ASRGL1: variants seen among roughly 807,000 people sequenced by gnomAD.
ASRGL1 encodes isoaspartyl peptidase/L-asparaginase.
Under a neutral mutation model 22.4 loss-of-function variants are expected in ASRGL1, and 16 were observed. The observed-to-expected ratio is 0.71, with a 90% CI of 0.48 to 1.08. The LOEUF is 1.08. ASRGL1 is among the 50% of genes least tolerant of loss of function. The pLI is 0.00. For synonymous variants in ASRGL1, 165 were observed against 159.3 expected (o/e 1.04, Z -0.27); for missense variants, 412 against 410.1 (o/e 1.00, Z -0.04).
At position 62,391,864 on chromosome 11, in the gene ASRGL1, T is replaced by A. The variant is rs774816161; in HGVS notation, c.722-215T>A. The A allele has an allele frequency of 6.1e-5, 45 of 738,220 alleles. 1 individual carries two copies. Among genetic ancestry groups the A allele is most frequent in the Middle Eastern group, 3.9e-4 (1 of 2,556 alleles). The allele number at this position is 738,220 out of a possible 1,614,324, so 45.7% of individuals were successfully genotyped here. ...AGGAGAAGGGGGCAGTAGAGAGACA[T>A]TGAGCCTGGATGTGGGAGGGAAGAC... On this transcript the variant is annotated intron_variant, in intron 6 of 6. Coordinates refer to ENST00000415229, the MANE Select transcript of ASRGL1 (RefSeq NM_001083926.2).
chr11:62,356,880 G>T (rs1946309802), intron 3 of ASRGL1, 107 bp from the exon 4 acceptor site: 3 of 1,312,440 alleles, frequency 2.3e-6, no homozygotes, highest in East Asian at 2.5e-5. Flanking sequence ...TTGTATTTTT[G>T]ATCCTTTGCA....
At chr11:62,396,164 C>T (rs977501836), downstream of ASRGL1, among the ~76,000 whole-genome samples, 3 of 151,478 alleles carry the variant, frequency 2.0e-5, no homozygotes, top group African/African-American at 7.3e-5. Flanking sequence ...TAGGTGTAGG[C>T]GTGACCCAGA....
intron 2 of ASRGL1, among the ~76,000 whole-genome samples, chr11:62,349,737 A>T (rs1007929484): frequency 1.3e-5 from 2 of 152,218 alleles, no homozygotes; most frequent in Non-Finnish European, 2.9e-5. Flanking sequence ...AAGCAAGTTT[A>T]TTAGGAAAGT....
intron 4 of ASRGL1, among the ~76,000 whole-genome samples, chr11:62,365,474 A>G (rs1286455653): frequency 6.6e-6 from 1 of 152,096 alleles, no homozygotes; most frequent in Non-Finnish European, 1.5e-5. Flanking sequence ...GAATCACTTG[A>G]ACCTGGGAGG....
chr11:62,397,525 A>G (rs1157002084), downstream of ASRGL1, among the ~76,000 whole-genome samples: 4 of 151,936 alleles, frequency 2.6e-5, no homozygotes, highest in Non-Finnish European at 4.4e-5. Context: ...TTAGCCGGGC[A>G]TGGTGATGCA....
At chr11:62,371,269 AGTG>A (rs1946754688) in intron 4 of ASRGL1, 5 of 1,350,888 alleles carry the variant, frequency 3.7e-6, no homozygotes, top group Non-Finnish European at 3.9e-6. Flanking sequence ...CAGTAGCAGC[AGTG>A]GTGGCAGCAG....
intron 6 of ASRGL1, 191 bp from the exon 7 acceptor site, chr11:62,391,888 A>AC: frequency 1.3e-6 from 1 of 744,470 alleles, no homozygotes; most frequent in Non-Finnish European, 2.2e-6. Flanking sequence ...GGGAGGGAAG[A>AC]CCCCTCTGCT....
intron 4 of ASRGL1, among the ~76,000 whole-genome samples, chr11:62,363,111 T>C (rs372272291): frequency 2.6e-4 from 40 of 151,130 alleles, no homozygotes; most frequent in African/African-American, 8.8e-4. Flanking sequence ...TTTTTTGTAT[T>C]TTTAGTAGAG....
chr11:62,382,614 G>C (rs1472125029), intron 4 of ASRGL1: 1 of 151,774 alleles, frequency 6.6e-6, no homozygotes. Context: ...ACTGCAAAGA[G>C]GCCTTCCTCT....
chr11:62,384,236 G>A (rs1947150333), intron 4 of ASRGL1, among the ~76,000 whole-genome samples: 1 of 152,030 alleles, frequency 6.6e-6, no homozygotes, highest in Non-Finnish European at 1.5e-5. Context: ...CGGGCGCAGT[G>A]GCTCACACCT....
At chr11:62,371,298 GGACGGCC>G (rs1946756385) in intron 4 of ASRGL1, 10 of 1,382,028 alleles carry the variant, frequency 7.2e-6, no homozygotes, top group African/African-American at 1.5e-5. Context: ...GCGGCGACGA[GGACGGCC>G]TGGAGCTCGA....
At chr11:62,352,820 G>A (rs1263683975) in intron 2 of ASRGL1, among the ~76,000 whole-genome samples, 1 of 152,090 alleles carries the variant, frequency 6.6e-6, no homozygotes, top group Non-Finnish European at 1.5e-5. Flanking sequence ...TCCCCTATAG[G>A]TAAGGTGTCA....
At chr11:62,372,192 G>A in intron 4 of ASRGL1, 1 of 1,062,594 alleles carries the variant, frequency 9.4e-7, no homozygotes. Context: ...GAAGCCCCCA[G>A]ACTCACCGAG....
At chr11:62,339,984 C>T (rs888744895) in intron 2 of ASRGL1, among the ~76,000 whole-genome samples, 2 of 151,870 alleles carry the variant, frequency 1.3e-5, no homozygotes, top group Admixed American at 6.6e-5. Context: ...TTCCTGAGAC[C>T]GGTGCAGTGG....
At chr11:62,372,249 A>G (rs1946792765) in intron 4 of ASRGL1, 1 of 1,547,530 alleles carries the variant, frequency 6.5e-7, no homozygotes, top group African/African-American at 1.4e-5. Flanking sequence ...GCGGAACCAC[A>G]CCTTGGCCTT....
In ASRGL1 at chr11:62,391,610, C is replaced by T. The variant is rs1565177124; in HGVS notation, c.699C>T (p.Leu233=). The part of the protein sequence containing the change: ...ESILKVNLAR[L]TLFHIEQGKT... Reference sequence around the variant, plus strand: ...TCCTGAAGGTGAACCTGGCTAGACTCACCCTGTTCCACATAGAACAAGGTA... The same window carrying T: ...TCCTGAAGGTGAACCTGGCTAGACTTACCCTGTTCCACATAGAACAAGGTA... Residue 233 remains leucine, a synonymous_variant, in exon 6 of 7, where the codon CTC becomes CTT. Coordinates refer to ENST00000415229, the MANE Select transcript of ASRGL1 (RefSeq NM_001083926.2). The T allele has an allele frequency of 6.2e-7, 1 of 1,610,504 alleles. No individual in the cohort carries two copies. The highest frequency in any genetic ancestry group is 8.5e-7 in the Non-Finnish European group (1 of 1,178,280).
At chr11:62,340,756 G>A (rs1945843684) in intron 2 of ASRGL1, among the ~76,000 whole-genome samples, 1 of 152,154 alleles carries the variant, frequency 6.6e-6, no homozygotes, top group South Asian at 2.1e-4. Flanking sequence ...GTGGACCTTG[G>A]CTTTTCCCAG....
In ASRGL1 at chr11:62,349,959, C is replaced by T. The variant is rs113075602; in HGVS notation, c.191-6366C>T. The stretch of plus-strand genomic sequence containing the variant: ...AGTGAGGACGACCAGAGGTCACTCT[C>T]GTGGCCATCTTGGGTTTGGTGGGGT... On this transcript the variant is annotated intron_variant, in intron 2 of 6. Transcript: ENST00000415229. 5.1e-3 allele frequency among the ~76,000 whole-genome samples: 780 copies of T among 152,164 alleles called. 2 individuals carry two copies. The highest frequency in any genetic ancestry group is 0.015 in the African/African-American group (617 of 41,514).
At chr11:62,401,071 G>A in the ASRGL1 span, among the ~76,000 whole-genome samples, 2 of 152,204 alleles carry the variant, frequency 1.3e-5, no homozygotes. Flanking sequence ...CAGAGCCAGG[G>A]CCAGACCACA....
Sources: allele counts gnomAD v4.1 joint callset (sites outside exome capture counted in the v4.1 genomes callset), GRCh38; gene constraint gnomAD v4.1.1; transcripts MANE v1.5; gene names NCBI Gene and HGNC (gene_info 2026-07-23, HGNC 2026-07-21).